Variants in ARNT observed in about 807,000 individuals in gnomAD.
ARNT encodes aryl hydrocarbon receptor nuclear translocator, also known as class E basic helix-loop-helix protein 2.
A neutral mutation model predicts 105.0 loss-of-function variants in ARNT; 30 were observed. The ratio of observed to expected loss-of-function variants is 0.29; its 90% CI spans 0.21 to 0.39. ARNT has a LOEUF of 0.39. Among genes scored for constraint, ARNT ranks in the 10% least tolerant of loss-of-function variants. The pLI is 1.00. For missense variants in ARNT, 748 were observed against 978.7 expected, an observed-to-expected ratio of 0.76 and a Z score of 3.15; for synonymous variants, 304 against 344.0, an observed-to-expected ratio of 0.88 and a Z score of 1.29.
intron 2 of ARNT, 42 bp from the exon 3 acceptor site, chr1:150,852,848 T>C: frequency 6.2e-7 from 1 of 1,609,574 alleles, no homozygotes; most frequent in Non-Finnish European, 8.5e-7. Flanking sequence ...CTGCTGATAA[T>C]ACAAAACATT....
intron 1 of ARNT, among the ~76,000 whole-genome samples, chr1:150,866,315 G>A (rs1278783301): frequency 6.6e-6 from 1 of 152,102 alleles, no homozygotes; most frequent in Non-Finnish European, 1.5e-5. Flanking sequence ...TTTCCAGCAT[G>A]ACTACTGAGA....
intron 11 of ARNT, chr1:150,829,436 C>G: frequency 1.6e-6 from 1 of 609,022 alleles, no homozygotes; most frequent in Non-Finnish European, 2.9e-6. Flanking sequence ...TTACACTTTA[C>G]CAAGTTAGTA....
chr1:150,865,926 T>C (rs975887005), intron 1 of ARNT, among the ~76,000 whole-genome samples: 1 of 152,126 alleles, frequency 6.6e-6, no homozygotes, highest in African/African-American at 2.4e-5. Flanking sequence ...TGCCTAGCTA[T>C]GGAATTCTAA....
chr1:150,818,057 A>AG (rs1656302068), intron 14 of ARNT, 27 bp from the exon 15 acceptor site: 6 of 1,447,088 alleles, frequency 4.1e-6, no homozygotes, highest in Non-Finnish European at 3.8e-6. Context: ...GACAGTAAAG[A>AG]GGGGGTGGAG....
intron 3 of ARNT, among the ~76,000 whole-genome samples, chr1:150,847,365 A>G (rs971742244): frequency 1.6e-5 from 2 of 125,666 alleles, no homozygotes; most frequent in Non-Finnish European, 3.1e-5. Context: ...TGGGAGGCGG[A>G]GGTTGCAGTG....
At chr1:150,818,082 G>C in intron 14 of ARNT, 52 bp from the exon 15 acceptor site, 7 of 1,044,576 alleles carry the variant, frequency 6.7e-6, no homozygotes, top group Non-Finnish European at 9.8e-6. Flanking sequence ...AGGAAGGGGG[G>C]AGAGAGAGAG....
At chr1:150,835,740 T>C (rs143921987) in intron 7 of ARNT, among the ~76,000 whole-genome samples, 179 of 152,234 alleles carry the variant, frequency 1.2e-3, no homozygotes, top group African/African-American at 4.1e-3. Context: ...AGAATAGATA[T>C]GACTTGTTTC....
intron 8 of ARNT, among the ~76,000 whole-genome samples, chr1:150,834,111 GT>G (rs1056714273): frequency 2.7e-5 from 4 of 150,238 alleles, no homozygotes; most frequent in East Asian, 2.0e-4. Context: ...TTTTGTTGTT[GT>G]TTTTTTTTAG....
intron 1 of ARNT, among the ~76,000 whole-genome samples, chr1:150,863,191 G>A (rs1301795980): frequency 6.6e-6 from 1 of 151,644 alleles, no homozygotes; most frequent in African/African-American, 2.4e-5. Context: ...GCAAAATCCC[G>A]TCTCTACTAA....
chr1:150,851,214 G>T (rs893246817), intron 3 of ARNT, among the ~76,000 whole-genome samples: 2 of 143,146 alleles, frequency 1.4e-5, no homozygotes, highest in Non-Finnish European at 3.1e-5. Context: ...GCCCCCGCCC[G>T]GCCAGCCGCC....
intron 13 of ARNT, among the ~76,000 whole-genome samples, chr1:150,824,022 T>TA (rs1657680379): frequency 6.7e-6 from 1 of 150,362 alleles, no homozygotes; most frequent in Admixed American, 6.7e-5. Context: ...TTTGTATTTT[T>TA]AGTATAGACG....
At chr1:150,825,646 C>T (rs919304380) in intron 13 of ARNT, among the ~76,000 whole-genome samples, 1 of 151,924 alleles carries the variant, frequency 6.6e-6, no homozygotes, top group African/African-American at 2.4e-5. Flanking sequence ...GTCAGGAGAT[C>T]GAGACCATCC....
chr1:150,846,156 G>C (rs1157337236), intron 4 of ARNT, 107 bp downstream of exon 4: 6 of 875,430 alleles, frequency 6.9e-6, no homozygotes, highest in Non-Finnish European at 1.1e-5. Context: ...ATTAAACAGA[G>C]AAATTCCGTC....
Position 150,813,247 on chromosome 1 carries a change from A to G in ARNT, c.2205T>C (p.His735=). The G allele has an allele frequency of 6.2e-7, 1 of 1,613,956 alleles. No homozygotes were observed. The highest frequency in any genetic ancestry group is 1.3e-5 in the African/African-American group (1 of 75,022). Reference sequence around the variant, plus strand: ...GTTGCTCACTAGAACTTGAACGATGATGAGGCTGCTGGCCCTGCCACTGTG... The same window carrying G: ...GTTGCTCACTAGAACTTGAACGATGGTGAGGCTGCTGGCCCTGCCACTGTG... ...VWPQWQGQQP[H]HRSSSSEQHV... is the part of the protein sequence containing the mutation. Residue 735 remains histidine (H), a synonymous_variant, in exon 21 of 22, where the codon CAT becomes CAC. Transcript: ENST00000358595.
intron 7 of ARNT, 53 bp downstream of exon 7, chr1:150,836,227 G>C: frequency 6.4e-7 from 1 of 1,570,068 alleles, no homozygotes; most frequent in Non-Finnish European, 8.7e-7. Context: ...TTAAGTCTCA[G>C]GAAAAAAACA....
At chr1:150,844,850 C>A (rs1661903827) in intron 4 of ARNT, among the ~76,000 whole-genome samples, 1 of 150,840 alleles carries the variant, frequency 6.6e-6, no homozygotes, top group African/African-American at 2.4e-5. Flanking sequence ...CTTGCTGTCA[C>A]CCAGGCTGGA....
chr1:150,816,934 TA>T, intron 17 of ARNT, 44 bp from the exon 18 acceptor site: 1 of 1,600,326 alleles, frequency 6.2e-7, no homozygotes, highest in Non-Finnish European at 8.5e-7. Context: ...CAAGGGGCTG[TA>T]GTATATTAGT....
At chr1:150,822,341 G>A (rs1024135062) in intron 14 of ARNT, among the ~76,000 whole-genome samples, 1 of 152,088 alleles carries the variant, frequency 6.6e-6, no homozygotes, top group African/African-American at 2.4e-5. Context: ...GCTCATCTCT[G>A]GAAAGATCAA....
intron 13 of ARNT, among the ~76,000 whole-genome samples, chr1:150,824,575 T>C (rs1657804071): frequency 6.6e-6 from 1 of 150,728 alleles, no homozygotes; most frequent in African/African-American, 2.4e-5. Context: ...TGCCTCAGCC[T>C]CCTGAGTAGC....
Sources: gnomAD v4.1 joint callset for allele counts (sites outside exome capture counted in the v4.1 genomes callset) on GRCh38, gnomAD v4.1.1 for gene constraint, MANE v1.5 for transcripts, NCBI Gene and HGNC (gene_info 2026-07-23, HGNC 2026-07-21) for gene names.